Variants in PDZD4 observed in about 807,000 individuals in gnomAD.
PDZD4 encodes the protein PDZ domain containing 4, also known as PDZ domain-containing protein 4.
PDZD4 carries 9 observed loss-of-function variants against 38.5 expected under a neutral mutation model. That is an observed-to-expected ratio of 0.23 (90% CI 0.14 to 0.41). The LOEUF is 0.41. Among genes scored for constraint, PDZD4 ranks in the 10% least tolerant of loss-of-function variants. PDZD4 has a pLI of 1.00. For synonymous variants in PDZD4, 349 were observed against 315.7 expected, an observed-to-expected ratio of 1.11 and a Z score of -1.12; for missense variants, 612 against 722.0, an observed-to-expected ratio of 0.85 and a Z score of 1.75.
chrX:153,826,292 G>A (rs782753968), intron 1 of PDZD4, among the ~76,000 whole-genome samples: 41 of 110,154 alleles, frequency 3.7e-4, no homozygotes, highest in Admixed American at 3.9e-4. Flanking sequence ...GAAGAAAAAC[G>A]ATTTCTATTT....
At chrX:153,812,897 G>A (rs1339306951) in intron 1 of PDZD4, among the ~76,000 whole-genome samples, 3 of 105,616 alleles carry the variant, frequency 2.8e-5, no homozygotes, top group African/African-American at 7.0e-5. Flanking sequence ...TTGCCTACTC[G>A]ACCACTCCAG....
At chrX:153,816,492 C>G (rs373612580) in intron 1 of PDZD4, among the ~76,000 whole-genome samples, 1 of 109,685 alleles carries the variant, frequency 9.1e-6, no homozygotes, top group African/African-American at 3.3e-5. Context: ...CCGGGAAGCA[C>G]GGGAGATGAG....
chrX:153,807,218 C>T, intron 3 of PDZD4, 61 bp downstream of exon 3: 1 of 1,128,517 alleles, frequency 8.9e-7, no homozygotes, highest in African/African-American at 1.8e-5. Flanking sequence ...CAGGAAGGCA[C>T]ACAGGCGTCG....
chrX:153,804,703 G>A lies in PDZD4; in HGVS notation c.978C>T (p.Asp326=), dbSNP rs782816767. Residue 326 remains aspartate, a synonymous_variant, in exon 8 of 8, where the codon GAC becomes GAT. Coordinates refer to ENST00000393758, the MANE Select transcript of PDZD4 (RefSeq NM_001303512.2). ...AATGGAAGTCCCGGCTCTGCAGGGCGTCCCCTTGCAGGCCAAACTTGCGCA... is the reference window on the plus strand; with the variant it reads ...AATGGAAGTCCCGGCTCTGCAGGGCATCCCCTTGCAGGCCAAACTTGCGCA... ...GSLRKFGLQG[D]ALQSRDFHFS... 8.3e-7 allele frequency: 1 copy of A among 1,210,420 alleles called. No individual in the cohort carries two copies. The highest frequency in any genetic ancestry group is 1.1e-6 in the Non-Finnish European group (1 of 895,303).
chrX:153,805,998 G>A, intron 5 of PDZD4, 73 bp downstream of exon 5: 1 of 1,091,192 alleles, frequency 9.2e-7, no homozygotes, highest in Non-Finnish European at 1.3e-6. Context: ...GCTAGGGACT[G>A]GCTAAAGAGA....
At chrX:153,820,381 C>G (rs940541008) in intron 1 of PDZD4, among the ~76,000 whole-genome samples, 1 of 81,430 alleles carries the variant, frequency 1.2e-5, no homozygotes, top group African/African-American at 4.8e-5. Flanking sequence ...AAAAGCGAGG[C>G]GTGGTGGTGC....
At chrX:153,804,946 G>A in intron 7 of PDZD4, 46 bp from the exon 8 acceptor site, 2 of 1,137,886 alleles carry the variant, frequency 1.8e-6, no homozygotes, top group South Asian at 2.0e-5. Context: ...CCACGGACAG[G>A]GATGTCACGG....
intron 2 of PDZD4, 57 bp downstream of exon 2, chrX:153,808,284 TC>T (rs1385137392): frequency 2.6e-6 from 3 of 1,146,402 alleles, no homozygotes; most frequent in Admixed American, 5.3e-5. Flanking sequence ...GGATGGCCGC[TC>T]CAGGTGGCCT....
intron 1 of PDZD4, among the ~76,000 whole-genome samples, chrX:153,821,740 T>A (rs918123038): frequency 1.8e-5 from 2 of 111,449 alleles, no homozygotes. Context: ...AGGGCAGACC[T>A]CAACGAAGGC....
chrX:153,816,584 C>T lies in PDZD4; in HGVS notation c.61-7989G>A, dbSNP rs782011203. 8.4e-4 allele frequency among the ~76,000 whole-genome samples: 93 copies of T among 111,319 alleles called. 1 individual carries two copies. The highest frequency in any genetic ancestry group is 2.9e-3 in the African/African-American group (88 of 30,642). ...AGTGCCAAGGAGCTGAAGGGAGAGACGGTGGATCCAGAACACACCCCCCAT... is the reference window on the plus strand; with the variant it reads ...AGTGCCAAGGAGCTGAAGGGAGAGATGGTGGATCCAGAACACACCCCCCAT... On this transcript the variant is annotated intron_variant, in intron 1 of 7. Coordinates refer to ENST00000393758, the MANE Select transcript of PDZD4 (RefSeq NM_001303512.2).
At position 153,808,175 on chromosome X, in the gene PDZD4, C is replaced by T. The variant is rs1557077779; in HGVS notation, c.314+167G>A. ...ATACAACGGGGCGCCTGCTGGAGCC[C>T]GGCCCAAGGCTAGAGGCCTGGAGGT... is the stretch of plus-strand genomic sequence containing the variant. On this transcript the variant is annotated intron_variant, in intron 2 of 7. Transcript: ENST00000393758. 1.3e-5 allele frequency: 14 copies of T among 1,071,698 alleles called. No homozygotes were observed. The South Asian group carries it at 2.0e-4, about 15-fold the overall frequency. The allele number at this position is 1,071,698 out of a possible 1,213,427, so 88.3% of individuals were successfully genotyped here.
At chrX:153,811,337 A>G (rs2064308426) in intron 1 of PDZD4, among the ~76,000 whole-genome samples, 1 of 111,031 alleles carries the variant, frequency 9.0e-6, no homozygotes, top group African/African-American at 3.3e-5. Flanking sequence ...GGGTTTCACT[A>G]TGTTGGCCAG....
chrX:153,808,107 C>T (rs1422525329), intron 2 of PDZD4: 3 of 1,066,130 alleles, frequency 2.8e-6, no homozygotes, highest in African/African-American at 1.9e-5. Flanking sequence ...CTTCCGGCAG[C>T]GACGTCCCGG....
At chrX:153,812,809 T>C (rs4898450) in intron 1 of PDZD4, among the ~76,000 whole-genome samples, 36,478 of 108,668 alleles carry the variant, frequency 0.34, 5,003 homozygotes, top group East Asian at 0.83. Context: ...GCTCAGAGCC[T>C]TGCCTCCCCG....
intron 5 of PDZD4, 75 bp from the exon 6 acceptor site, chrX:153,805,681 C>A: frequency 1.2e-6 from 1 of 838,480 alleles, no homozygotes. Flanking sequence ...GTGCAGGGAG[C>A]CCAAGCACTC....
Position 153,804,619 on chromosome X carries a change from G to T in PDZD4, c.1062C>A (p.Gly354=), listed in dbSNP as rs782634754. The change falls in exon 8 of 8, where the codon GGC becomes GGA. Residue 354 remains glycine, a synonymous_variant. Transcript: ENST00000393758. ...AGCGCTCATACTCCTCATCCGTGAG[G>T]CCCGGGACGTCGCCCCCTCCCAGCC... ...GAGLGGGDVP[G]LTDEEYERYR... 6.6e-6 allele frequency: 8 copies of T among 1,208,086 alleles called. No homozygotes were observed. The highest frequency in any genetic ancestry group is 8.9e-6 in the Non-Finnish European group (8 of 895,163).
At chrX:153,816,793 A>C (rs1370867074) in intron 1 of PDZD4, among the ~76,000 whole-genome samples, 1 of 111,212 alleles carries the variant, frequency 9.0e-6, no homozygotes, top group Non-Finnish European at 1.9e-5. Flanking sequence ...AGGAGAACAG[A>C]CTGTAAGGGC....
intron 1 of PDZD4, among the ~76,000 whole-genome samples, chrX:153,816,329 TG>T (rs2148469033): frequency 9.5e-6 from 1 of 105,146 alleles, no homozygotes; most frequent in South Asian, 4.4e-4. Flanking sequence ...TCAGGTGTGT[TG>T]GGGGGTGAGC....
rs1475936340 is a variant in PDZD4 at position 153,802,461 on chromosome X, A to T, written c.*892T>A. 1 of 110,064 alleles carries T rather than the reference A, an allele frequency of 9.1e-6. No homozygotes were observed. Among genetic ancestry groups the T allele is most frequent in the African/African-American group, 3.3e-5 (1 of 30,114 alleles). 9.1% of individuals were successfully genotyped at this position (110,064 alleles called of 1,213,427 possible). On this transcript the variant is annotated 3_prime_UTR_variant, in exon 8 of 8. Coordinates refer to ENST00000393758, the MANE Select transcript of PDZD4 (RefSeq NM_001303512.2). The stretch of plus-strand genomic sequence containing the variant: ...TTTCTAGAGCCCTCACCATCTAAGC[A>T]CCTTCCTCAGTTCACTCAGAAGAGA...
Sources: allele counts gnomAD v4.1 joint callset (sites outside exome capture counted in the v4.1 genomes callset), GRCh38; gene constraint gnomAD v4.1.1; transcripts MANE v1.5; gene names NCBI Gene and HGNC (gene_info 2026-07-23, HGNC 2026-07-21).